GRID2: variants seen among roughly 807,000 people sequenced by gnomAD.
GRID2 encodes glutamate receptor ionotropic, delta-2.
A neutral mutation model predicts 114.8 loss-of-function variants in GRID2; 33 were observed. The ratio of observed to expected loss-of-function variants is 0.29; its 90% confidence interval spans 0.22 to 0.38. The LOEUF is 0.38. Among genes scored for constraint, GRID2 ranks in the 10% least tolerant of loss-of-function variants. GRID2 has a pLI of 1.00. For synonymous variants in GRID2, 505 were observed against 449.9 expected (o/e 1.12, Z -1.55); for missense variants, 1,184 against 1,257.7 (o/e 0.94, Z 0.89).
intron 2 of GRID2, among the ~76,000 whole-genome samples, chr4:93,062,734 C>T (rs967675437): frequency 9.9e-5 from 15 of 151,918 alleles, no homozygotes; most frequent in African/African-American, 3.4e-4. Context: ...GTCAATTCAA[C>T]ATTTTTAAAC....
intron 14 of GRID2, among the ~76,000 whole-genome samples, chr4:93,690,118 T>G (rs1726427276): frequency 1.3e-5 from 2 of 152,024 alleles, no homozygotes; most frequent in African/African-American, 4.8e-5. Flanking sequence ...CTGTATACAA[T>G]TTGCACAGTA....
rs1002852265 is a variant in GRID2, at chr4:92,772,719, C to T, written c.244+182433C>T. Among the ~76,000 whole-genome samples, 11 of 152,222 alleles carry T rather than the reference C, an allele frequency of 7.2e-5. No homozygotes were observed. In the South Asian group the frequency reaches 2.3e-3, roughly 32 times the overall value. On this transcript the variant is annotated intron_variant, in intron 2 of 15. Transcript: ENST00000282020. ...GTCAAAGATTGCCTGCAATTTGAAA[C>T]ACACTGAACTCCATTTTCCCACATT...
At chr4:93,719,324 T>G (rs1729161586) in intron 14 of GRID2, among the ~76,000 whole-genome samples, 1 of 151,992 alleles carries the variant, frequency 6.6e-6, no homozygotes, top group Non-Finnish European at 1.5e-5. Context: ...CAACTGCAAA[T>G]TTGTGAAAAG....
chr4:93,084,837 T>A (rs1177437270), intron 2 of GRID2, 158 bp from the exon 3 acceptor site: 3 of 610,830 alleles, frequency 4.9e-6, no homozygotes. Flanking sequence ...CCAATAGTGC[T>A]TTGTAATTTG....
At position 93,662,514 on chromosome 4, in the gene GRID2, A is replaced by T. The variant is rs181938399; in HGVS notation, c.2360+36079A>T. Among the ~76,000 whole-genome samples, 16 of 152,282 alleles carry T rather than the reference A, an allele frequency of 1.1e-4. No homozygotes were observed. In the East Asian group the frequency reaches 3.1e-3, roughly 29 times the overall value. ...GCTCTATCTTGATCTGCTTCTAAAG[A>T]CAGCACCAGAGAACATTTCTCTGAA... On this transcript the variant is annotated intron_variant, in intron 14 of 15. Transcript: ENST00000282020.
chr4:92,938,293 T>G (rs1341542087), intron 2 of GRID2, among the ~76,000 whole-genome samples: 1 of 146,694 alleles, frequency 6.8e-6, no homozygotes, highest in Non-Finnish European at 1.5e-5. Flanking sequence ...TTGGGATTCT[T>G]TTCTTATCAA....
chr4:93,111,355 C>A (rs569673415), intron 4 of GRID2, among the ~76,000 whole-genome samples: 1 of 152,228 alleles, frequency 6.6e-6, no homozygotes, highest in South Asian at 2.1e-4. Flanking sequence ...ACATTATTGC[C>A]TAAACATGAT....
chr4:92,700,463 G>A (rs969968000), intron 2 of GRID2, among the ~76,000 whole-genome samples: 2 of 152,140 alleles, frequency 1.3e-5, no homozygotes, highest in Non-Finnish European at 2.9e-5. Context: ...TGAGAAGATT[G>A]CCTAAATCAT....
intron 2 of GRID2, among the ~76,000 whole-genome samples, chr4:92,622,761 C>T (rs1730333766): frequency 6.6e-6 from 1 of 151,674 alleles, no homozygotes; most frequent in Non-Finnish European, 1.5e-5. Context: ...TTCATTCCTG[C>T]CTCTGACTCT....
At chr4:92,883,074 T>G (rs1014258359) in intron 2 of GRID2, among the ~76,000 whole-genome samples, 1 of 152,238 alleles carries the variant, frequency 6.6e-6, no homozygotes, top group Non-Finnish European at 1.5e-5. Flanking sequence ...TTAACCACAG[T>G]TGAACTTCCG....
Position 93,547,472 on chromosome 4 carries a change from C to T in GRID2, c.2193+32061C>T, listed in dbSNP as rs115516064. Among the ~76,000 whole-genome samples the T allele has an allele frequency of 1.5e-3, 226 of 152,290 alleles. 1 individual carries two copies. The highest frequency in any genetic ancestry group is 5.2e-3 in the African/African-American group (216 of 41,566). On this transcript the variant is annotated intron_variant, in intron 13 of 15. Coordinates refer to ENST00000282020, the MANE Select transcript of GRID2 (RefSeq NM_001510.4). ...CCAAGTGGCCAAGCATTGTATAATT[C>T]ACAGAAGGACCATTCCTCTGAAATG... is the stretch of plus-strand genomic sequence containing the variant.
At chr4:92,614,413 C>G (rs1379735144) in intron 2 of GRID2, among the ~76,000 whole-genome samples, 2 of 151,478 alleles carry the variant, frequency 1.3e-5, no homozygotes, top group South Asian at 4.2e-4. Context: ...TAAATGTAAA[C>G]ATGTTGTATT....
At chr4:93,668,956 A>G (rs1724173593) in intron 14 of GRID2, among the ~76,000 whole-genome samples, 1 of 152,032 alleles carries the variant, frequency 6.6e-6, no homozygotes. Context: ...ATCAGTTTTG[A>G]CCATTTGGGG....
intron 2 of GRID2, among the ~76,000 whole-genome samples, chr4:92,854,003 A>C (rs904455189): frequency 2.8e-5 from 4 of 140,846 alleles, no homozygotes; most frequent in African/African-American, 1.0e-4. Context: ...ATTTGAAATT[A>C]AAAAAAAAAA....
chr4:93,762,302 C>A (rs1560983942), intron 14 of GRID2, among the ~76,000 whole-genome samples: 1 of 152,040 alleles, frequency 6.6e-6, no homozygotes, highest in Non-Finnish European at 1.5e-5. Context: ...TCCTAAATAT[C>A]TTTTTAATTT....
At chr4:93,628,020 A>G (rs1455278321) in intron 14 of GRID2, among the ~76,000 whole-genome samples, 1 of 152,182 alleles carries the variant, frequency 6.6e-6, no homozygotes, top group Non-Finnish European at 1.5e-5. Flanking sequence ...CTAAAAATAC[A>G]AAAATTATCC....
intron 4 of GRID2, among the ~76,000 whole-genome samples, chr4:93,177,707 A>C (rs1187932337): frequency 6.6e-6 from 1 of 152,186 alleles, no homozygotes; most frequent in African/African-American, 2.4e-5. Flanking sequence ...GAATCTGTCA[A>C]ATTAAAACTA....
intron 11 of GRID2, among the ~76,000 whole-genome samples, chr4:93,467,505 G>A (rs767192952): frequency 1.3e-5 from 2 of 152,096 alleles, no homozygotes; most frequent in African/African-American, 2.4e-5. Flanking sequence ...ATTGTTGATG[G>A]CATTCTCTTC....
At chr4:93,737,135 T>A (rs920370920) in intron 14 of GRID2, among the ~76,000 whole-genome samples, 4 of 152,116 alleles carry the variant, frequency 2.6e-5, no homozygotes, top group African/African-American at 9.7e-5. Context: ...AATTTACATA[T>A]GATGCCATAG....
Sources: allele counts gnomAD v4.1 joint callset (sites outside exome capture counted in the v4.1 genomes callset), GRCh38; gene constraint gnomAD v4.1.1; transcripts MANE v1.5; gene names NCBI Gene and HGNC (gene_info 2026-07-23, HGNC 2026-07-21).